ZBTB7C: variants seen among roughly 807,000 people sequenced by gnomAD.
ZBTB7C encodes zinc finger and BTB domain containing 7C.
A neutral mutation model predicts 25.7 loss-of-function variants in ZBTB7C; 8 were observed. The observed-to-expected ratio is 0.31, with a 90% confidence interval of 0.18 to 0.56. The LOEUF is 0.56. Ranked by LOEUF, ZBTB7C falls within the 20% of genes least tolerant of loss-of-function variation. The pLI, the probability that ZBTB7C is intolerant of heterozygous loss-of-function variation, is 0.91. For synonymous variants in ZBTB7C, 394 were observed against 369.0 expected (o/e 1.07, Z -0.78); for missense variants, 824 against 855.2 (o/e 0.96, Z 0.46).
At chr18:48,139,995 G>A (rs994710064) in intron 3 of ZBTB7C, among the ~76,000 whole-genome samples, 4 of 152,168 alleles carry the variant, frequency 2.6e-5, no homozygotes, top group Admixed American at 1.3e-4. Flanking sequence ...GCCAGAGCAC[G>A]TGGAAGCCCG....
chr18:48,412,420 G>A (rs370105408), upstream of ZBTB7C, among the ~76,000 whole-genome samples: 9 of 152,278 alleles, frequency 5.9e-5, no homozygotes, highest in South Asian at 6.2e-4. Flanking sequence ...TGTTGTAACC[G>A]TTTTATAGAT....
chr18:48,199,072 C>T (rs145802677), intron 2 of ZBTB7C, among the ~76,000 whole-genome samples: 122 of 152,342 alleles, frequency 8.0e-4, no homozygotes, highest in Non-Finnish European at 1.4e-3. Context: ...TTCTAGATTC[C>T]AGGAACGCTG....
At chr18:48,199,368 CT>C (rs1468807682) in intron 2 of ZBTB7C, among the ~76,000 whole-genome samples, 3 of 152,196 alleles carry the variant, frequency 2.0e-5, no homozygotes, top group Non-Finnish European at 4.4e-5. Flanking sequence ...TCATTGTCTT[CT>C]TTTCCCACAT....
intron 1 of ZBTB7C, among the ~76,000 whole-genome samples, chr18:48,360,716 A>G (rs1268470338): frequency 1.3e-5 from 2 of 152,134 alleles, no homozygotes; most frequent in Non-Finnish European, 2.9e-5. Context: ...GTGACCAGCC[A>G]AAGGCAGGGG....
At chr18:48,402,360 C>T (rs1009169416) in intron 1 of ZBTB7C, among the ~76,000 whole-genome samples, 1 of 152,018 alleles carries the variant, frequency 6.6e-6, no homozygotes, top group Non-Finnish European at 1.5e-5. Flanking sequence ...ACTACACATC[C>T]ATTACAAGTG....
At chr18:48,167,605 T>TGTGC (rs199586468) in intron 3 of ZBTB7C, among the ~76,000 whole-genome samples, 19 of 149,746 alleles carry the variant, frequency 1.3e-4, no homozygotes, top group African/African-American at 4.0e-4. Flanking sequence ...TGTGCGCGCG[T>TGTGC]GCACACGCGC....
At chr18:48,174,561 C>T (rs1262517843) in intron 3 of ZBTB7C, among the ~76,000 whole-genome samples, 3 of 152,120 alleles carry the variant, frequency 2.0e-5, no homozygotes, top group Non-Finnish European at 4.4e-5. Flanking sequence ...TTTTAGAATC[C>T]CAAGCATATG....
chr18:48,103,629 T>C (rs962654372), intron 3 of ZBTB7C, among the ~76,000 whole-genome samples: 2 of 152,202 alleles, frequency 1.3e-5, no homozygotes, highest in Non-Finnish European at 1.5e-5. Context: ...TAAAAACCTG[T>C]GCACAAATGT....
chr18:48,360,281 G>A (rs1442445480), intron 1 of ZBTB7C, among the ~76,000 whole-genome samples: 3 of 152,226 alleles, frequency 2.0e-5, no homozygotes, highest in Admixed American at 6.5e-5. Context: ...ATGCGTAACC[G>A]AACTGCGGAC....
chr18:48,043,732 A>AC (rs57419133), intron 3 of ZBTB7C, among the ~76,000 whole-genome samples: 10,003 of 152,214 alleles, frequency 0.066, 618 homozygotes, highest in African/African-American at 0.16. Context: ...ACTGGAGAAA[A>AC]TGCGTAAAGG....
rs774387768 is a variant in ZBTB7C at position 48,029,759 on chromosome 18, T to C, written c.1361A>G (p.Tyr454Cys). Residue 454 changes from tyrosine to cysteine, a missense_variant, in exon 5 of 5, where the codon TAC (tyrosine) becomes TGC (cysteine). Tyr to Cys is a radical substitution (Grantham distance 194, BLOSUM62 -2). Around this residue, in one of 4 missense-constraint regions of ZBTB7C, gnomAD observed 342 missense variants for 307.0 expected, o/e 1.11. Coordinates refer to ENST00000590800, the MANE Select transcript of ZBTB7C (RefSeq NM_001318841.2). Reference sequence around the variant, plus strand: ...GTGGTCAGAGCGCGTGAAGCTCTTGTAGCAGAACTCGCACTGGTAGGGCCG... The same window carrying C: ...GTGGTCAGAGCGCGTGAAGCTCTTGCAGCAGAACTCGCACTGGTAGGGCCG... ...GVRPYQCEFC[Y>C]KSFTRSDHLH... 2.5e-6 allele frequency: 4 copies of C among 1,608,332 alleles called. No individual in the cohort carries two copies. The African/African-American group carries it at 4.0e-5, about 16-fold the overall frequency.
chr18:48,315,461 C>A (rs1598852167), intron 2 of ZBTB7C, among the ~76,000 whole-genome samples: 2 of 152,172 alleles, frequency 1.3e-5, no homozygotes, highest in South Asian at 2.1e-4. Flanking sequence ...TCCTCCCACT[C>A]CCTGCAACCC....
At chr18:48,390,937 C>T (rs2047886996) in intron 1 of ZBTB7C, among the ~76,000 whole-genome samples, 1 of 152,178 alleles carries the variant, frequency 6.6e-6, no homozygotes, top group African/African-American at 2.4e-5. Context: ...CCTTCATGTG[C>T]TACAGGGCCA....
At chr18:48,272,272 G>A (rs1471767571) in intron 2 of ZBTB7C, among the ~76,000 whole-genome samples, 1 of 152,210 alleles carries the variant, frequency 6.6e-6, no homozygotes, top group African/African-American at 2.4e-5. Context: ...AAAGGGTGCA[G>A]GAAGGGTGAA....
chr18:48,281,090 G>A (rs1598769810), intron 2 of ZBTB7C, among the ~76,000 whole-genome samples: 1 of 152,088 alleles, frequency 6.6e-6, no homozygotes, highest in South Asian at 2.1e-4. Flanking sequence ...CTGACCTCGG[G>A]TGATTCACCC....
chr18:48,182,351 C>T (rs71355333), intron 3 of ZBTB7C, among the ~76,000 whole-genome samples: 5 of 151,984 alleles, frequency 3.3e-5, no homozygotes, highest in East Asian at 1.9e-4. Context: ...CAGGCCTCCA[C>T]GATTATAAAA....
chr18:48,137,059 C>G (rs2040193829), intron 3 of ZBTB7C: 1 of 985,274 alleles, frequency 1.0e-6, no homozygotes, highest in African/African-American at 1.7e-5. Context: ...CTGAGCGCCG[C>G]CAGGGTCCCG....
At chr18:48,346,080 C>G (rs2046723229) in intron 1 of ZBTB7C, among the ~76,000 whole-genome samples, 1 of 152,184 alleles carries the variant, frequency 6.6e-6, no homozygotes, top group Non-Finnish European at 1.5e-5. Flanking sequence ...TTTAAACCTA[C>G]TGCATAAAGT....
At chr18:48,096,090 G>A (rs2038620961) in intron 3 of ZBTB7C, among the ~76,000 whole-genome samples, 1 of 152,172 alleles carries the variant, frequency 6.6e-6, no homozygotes, top group Non-Finnish European at 1.5e-5. Context: ...TTGGTCCTCT[G>A]AATACCCGCC....
Sources: allele counts gnomAD v4.1 joint callset (sites outside exome capture counted in the v4.1 genomes callset), GRCh38; gene constraint gnomAD v4.1.1; regional missense constraint gnomAD v4.1.1; transcripts MANE v1.5; gene names NCBI Gene and HGNC (gene_info 2026-07-23, HGNC 2026-07-21).